FAM228B: variants seen among roughly 807,000 people sequenced by gnomAD.
FAM228B encodes family with sequence similarity 228 member B.
A neutral mutation model predicts 42.6 loss-of-function variants in FAM228B; 38 were observed. The ratio of observed to expected loss-of-function variants is 0.89; its 90% CI spans 0.69 to 1.17. FAM228B has a LOEUF of 1.17. Among genes scored for constraint, FAM228B ranks in the 50% most tolerant of loss-of-function variants. The probability of loss-of-function intolerance (pLI) is 0.00; values close to 1 mark genes in which losing one functional copy is unlikely to be tolerated. For synonymous variants in FAM228B, 109 were observed against 122.3 expected, an observed-to-expected ratio of 0.89 and a Z score of 0.72; for missense variants, 344 against 367.3, an observed-to-expected ratio of 0.94 and a Z score of 0.52.
chr2:24,101,494 T>C (rs1054097908), intron 3 of FAM228B, among the ~76,000 whole-genome samples: 1 of 152,026 alleles, frequency 6.6e-6, no homozygotes, highest in African/African-American at 2.4e-5. Context: ...TAGTCCACAA[T>C]TGATCAAAAC....
chr2:24,082,801 C>A lies in FAM228B; in HGVS notation c.-210+1846C>A, dbSNP rs1228080212. On this transcript the variant is annotated intron_variant, in intron 2 of 10. Transcript: ENST00000613899. The stretch of plus-strand genomic sequence containing the variant: ...TGATACAGGAAGGCCTGGGAGTGCC[C>A]TGGGGGATTGCTGGGATTCAAGTTG... The A allele has an allele frequency of 6.1e-6, 9 of 1,482,238 alleles. No individual in the cohort carries two copies. The East Asian group carries it at 2.1e-4, about 35-fold the overall frequency. The allele number at this position is 1,482,238 out of a possible 1,614,324, so 91.8% of individuals were successfully genotyped here.
At chr2:24,099,413 C>T in intron 3 of FAM228B, among the ~76,000 whole-genome samples, 1 of 152,210 alleles carries the variant, frequency 6.6e-6, no homozygotes, top group Non-Finnish European at 1.5e-5. Flanking sequence ...TGATAAGCAA[C>T]TTCAGCAAAG....
chr2:24,109,639 C>T (rs1004202653), intron 3 of FAM228B, among the ~76,000 whole-genome samples: 1 of 152,176 alleles, frequency 6.6e-6, no homozygotes, highest in Non-Finnish European at 1.5e-5. Flanking sequence ...CATGAACAGA[C>T]ACTTTTCAAA....
chr2:24,089,742 A>G (rs1253286064), intron 2 of FAM228B, among the ~76,000 whole-genome samples: 1 of 152,204 alleles, frequency 6.6e-6, no homozygotes, highest in Non-Finnish European at 1.5e-5. Flanking sequence ...GTAAGCTGTT[A>G]AGATTTGGGG....
chr2:24,133,469 A>C (rs560346944), intron 2 of FAM228B, among the ~76,000 whole-genome samples: 43 of 152,110 alleles, frequency 2.8e-4, no homozygotes, highest in Non-Finnish European at 5.7e-4. Context: ...AGATAATGAG[A>C]TTTTACTCAT....
intron 2 of FAM228B, among the ~76,000 whole-genome samples, chr2:24,094,594 A>G (rs1438800035): frequency 6.6e-6 from 1 of 151,976 alleles, no homozygotes; most frequent in African/African-American, 2.4e-5. Flanking sequence ...AAGGAATCCT[A>G]CCACCTCAGT....
chr2:24,115,338 G>A (rs911651203), intron 3 of FAM228B: 6 of 496,984 alleles, frequency 1.2e-5, no homozygotes, highest in African/African-American at 1.2e-4. Context: ...CAATAGATAT[G>A]CTCTGTGAAA....
At chr2:24,083,230 A>C in intron 2 of FAM228B, 1 of 1,467,810 alleles carries the variant, frequency 6.8e-7, no homozygotes. Context: ...CCCTTCCAAG[A>C]TCCCCTCTTT....
intron 3 of FAM228B, among the ~76,000 whole-genome samples, chr2:24,102,959 T>C (rs1394902474): frequency 6.6e-6 from 1 of 152,194 alleles, no homozygotes; most frequent in Non-Finnish European, 1.5e-5. Context: ...ATTTTGCTTC[T>C]GAACCTTAAG....
Position 24,135,119 on chromosome 2 carries a change from G to A in FAM228B, c.100G>A (p.Val34Ile). The A allele has an allele frequency of 6.7e-7, 1 of 1,488,368 alleles. No homozygotes were observed. The highest frequency in any genetic ancestry group is 9.1e-7 in the Non-Finnish European group (1 of 1,099,696). The allele number at this position is 1,488,368 out of a possible 1,614,324, so 92.2% of individuals were successfully genotyped here. A position where few individuals can be genotyped will look rare whatever the true frequency, so the allele number is the denominator to read the frequency against. The change falls in exon 3 of 11, where the codon GTT (valine) becomes ATT (isoleucine). Residue 34 changes from valine to isoleucine, a missense_variant and splice_region_variant. Coordinates refer to ENST00000615575, the MANE Select transcript of FAM228B (RefSeq NM_001145710.2). ...TCAAAGTTTAATTCTGTCCTTTCAG[G>A]TTTTAGCTAAAGAAGATACTGAGGC... ...LEPKPLCFME[V>I]LAKEDTEAAI...
chr2:24,098,653 CA>C (rs1017131866), intron 3 of FAM228B, among the ~76,000 whole-genome samples: 1 of 151,964 alleles, frequency 6.6e-6, no homozygotes, highest in Non-Finnish European at 1.5e-5. Flanking sequence ...GCCTACCAAC[CA>C]AAAAAAGTCC....
intron 5 of FAM228B, among the ~76,000 whole-genome samples, chr2:24,146,259 C>G (rs972208538): frequency 1.3e-5 from 2 of 152,134 alleles, no homozygotes; most frequent in African/African-American, 4.8e-5. Context: ...ATATGTAGAA[C>G]TGTCATTTTG....
chr2:24,156,796 G>A (rs1217007493), intron 7 of FAM228B, among the ~76,000 whole-genome samples: 1 of 121,874 alleles, frequency 8.2e-6, no homozygotes, highest in Admixed American at 9.1e-5. Context: ...CCAGCTTTTT[G>A]TTTCATTTAT....
chr2:24,117,781 G>A (rs1008222692), intron 3 of FAM228B, among the ~76,000 whole-genome samples: 2 of 152,122 alleles, frequency 1.3e-5, no homozygotes, highest in East Asian at 3.8e-4. Context: ...CAATGATCAC[G>A]TATAATTTTT....
At chr2:24,144,607 G>T (rs550912687) in intron 5 of FAM228B, among the ~76,000 whole-genome samples, 143 of 152,282 alleles carry the variant, frequency 9.4e-4, no homozygotes, top group African/African-American at 3.3e-3. Context: ...AGCCTGCTCG[G>T]CCCTGAGACT....
At chr2:24,086,070 C>T (rs1317279007) in intron 2 of FAM228B, among the ~76,000 whole-genome samples, 1 of 151,446 alleles carries the variant, frequency 6.6e-6, no homozygotes, top group African/African-American at 2.4e-5. Context: ...CCCGTCTCTA[C>T]TAAAAATACA....
chr2:24,154,558 A>G lies in FAM228B; in HGVS notation c.687-6948A>G, dbSNP rs184004707. ...TAACAGTGTCTTTTGCAGAGCACAC[A>G]TTTTAAATTTTAATAAAGTCCAGCT... On this transcript the variant is annotated intron_variant, in intron 7 of 10. Transcript: ENST00000615575. 2.4e-3 allele frequency among the ~76,000 whole-genome samples: 373 copies of G among 152,306 alleles called. 2 individuals are homozygous for G. The highest frequency in any genetic ancestry group is 3.9e-3 in the Non-Finnish European group (262 of 68,020).
At chr2:24,127,403 C>A (rs2151014034) in intron 2 of FAM228B, among the ~76,000 whole-genome samples, 1 of 152,170 alleles carries the variant, frequency 6.6e-6, no homozygotes, top group South Asian at 2.1e-4. Context: ...CTGCTATGAA[C>A]ATTTTGTGTA....
At chr2:24,125,350 CCCCA>C (rs1324864741) in intron 2 of FAM228B, among the ~76,000 whole-genome samples, 6 of 152,134 alleles carry the variant, frequency 3.9e-5, no homozygotes, top group Non-Finnish European at 7.4e-5. Flanking sequence ...GCCACTGCAT[CCCCA>C]CCTGGGTGAC....
Sources: allele counts gnomAD v4.1 joint callset (sites outside exome capture counted in the v4.1 genomes callset), GRCh38; gene constraint gnomAD v4.1.1; transcripts MANE v1.5; gene names NCBI Gene and HGNC (gene_info 2026-07-23, HGNC 2026-07-21).